The following NEO1 variants were observed in gnomAD, a reference collection of about 807,000 sequenced individuals.
NEO1 encodes the protein neogenin.
NEO1 carries 63 observed loss-of-function variants against 159.7 expected under a neutral mutation model. That is an observed-to-expected ratio of 0.39 (90% confidence interval 0.32 to 0.49). NEO1 has a LOEUF of 0.49. Ranked by LOEUF, NEO1 falls within the 20% of genes least tolerant of loss-of-function variation. The probability of loss-of-function intolerance (pLI) is 0.85; values close to 1 mark genes in which losing one functional copy is unlikely to be tolerated. For missense variants in NEO1, 1,615 were observed against 1,831.0 expected (o/e 0.88, Z 2.15); for synonymous variants, 633 against 662.0 (o/e 0.96, Z 0.67).
chr15:73,111,305 A>C (rs79845593), intron 1 of NEO1, among the ~76,000 whole-genome samples: 1,626 of 152,284 alleles, frequency 0.011, 33 homozygotes, highest in African/African-American at 0.037. Flanking sequence ...TATCTTGACA[A>C]TCTTTTAATC....
chr15:73,184,498 G>A (rs1019045218), intron 7 of NEO1, among the ~76,000 whole-genome samples: 1 of 152,150 alleles, frequency 6.6e-6, no homozygotes, highest in Non-Finnish European at 1.5e-5. Flanking sequence ...GAGTTGAAAA[G>A]TTATGTCCAC....
At chr15:73,272,905 C>T (rs764536160) in intron 19 of NEO1, among the ~76,000 whole-genome samples, 1 of 150,958 alleles carries the variant, frequency 6.6e-6, no homozygotes, top group Non-Finnish European at 1.5e-5. Flanking sequence ...TTATATACCC[C>T]CTCCCTGGTT....
At position 73,235,593 on chromosome 15, in the gene NEO1, T is replaced by A. The variant is rs368523345; in HGVS notation, c.1292-754T>A. On this transcript the variant is annotated intron_variant, in intron 7 of 28. Coordinates refer to ENST00000261908, the MANE Select transcript of NEO1 (RefSeq NM_002499.4). Reference sequence around the variant, plus strand: ...GCAGTGAAGAGTGTAACAAACAGATTAGCTACCTGACTTGCAATTTTTTGG... The same window carrying A: ...GCAGTGAAGAGTGTAACAAACAGATAAGCTACCTGACTTGCAATTTTTTGG... 2.6e-5 allele frequency among the ~76,000 whole-genome samples: 4 copies of A among 152,356 alleles called. No individual in the cohort carries two copies. The East Asian group carries it at 5.8e-4, about 22-fold the overall frequency.
intron 1 of NEO1, among the ~76,000 whole-genome samples, chr15:73,105,699 G>A (rs1483372671): frequency 3.3e-5 from 5 of 152,030 alleles, no homozygotes; most frequent in Non-Finnish European, 5.9e-5. Flanking sequence ...GAAGAGTCCA[G>A]GGTAGTTGTC....
chr15:73,136,365 T>A (rs1308644939), intron 5 of NEO1, among the ~76,000 whole-genome samples: 1 of 152,102 alleles, frequency 6.6e-6, no homozygotes, highest in Non-Finnish European at 1.5e-5. Flanking sequence ...TGTTAGTTAT[T>A]GTTGTTACTA....
Position 73,274,024 on chromosome 15 carries a change from AG to A in NEO1, c.3160+22del. ...CCTAAAGGTAATGCTCCCCAAGCTGAGGGTTTTGTTGTGTGTCTCTTTAGTG... is the reference window on the plus strand; with the variant it reads ...CCTAAAGGTAATGCTCCCCAAGCTGAGGTTTTGTTGTGTGTCTCTTTAGTG... On this transcript the variant is annotated intron_variant, in intron 20 of 28. Transcript: ENST00000261908. 1.9e-6 allele frequency: 3 copies of A among 1,608,564 alleles called. No homozygotes were observed. Among genetic ancestry groups the A allele is most frequent in the Non-Finnish European group, 2.5e-6 (3 of 1,177,256 alleles).
intron 18 of NEO1, among the ~76,000 whole-genome samples, chr15:73,271,800 G>A (rs1385442715): frequency 5.3e-5 from 8 of 151,608 alleles, no homozygotes; most frequent in East Asian, 3.9e-4. Flanking sequence ...CCAGCTACTC[G>A]GTAGGCTAAG....
Position 73,113,707 on chromosome 15 carries a change from A to G in NEO1, c.131-2833A>G, listed in dbSNP as rs187455544. Among the ~76,000 whole-genome samples, 463 of 152,302 alleles carry G rather than the reference A, an allele frequency of 3.0e-3. 2 individuals are homozygous for G. The highest frequency in any genetic ancestry group is 0.011 in the African/African-American group (440 of 41,552). On this transcript the variant is annotated intron_variant, in intron 1 of 28. Transcript: ENST00000261908. Reference sequence around the variant, plus strand: ...GTGTGGAACAGGAAATGTGGGTGGCAGTATTTAGTTGCACAGCATCTAAGT... The same window carrying G: ...GTGTGGAACAGGAAATGTGGGTGGCGGTATTTAGTTGCACAGCATCTAAGT...
Position 73,281,026 on chromosome 15 carries a change from A to G in NEO1, c.3263-1938A>G, listed in dbSNP as rs899818226. On this transcript the variant is annotated intron_variant, in intron 22 of 28. Coordinates refer to ENST00000261908, the MANE Select transcript of NEO1 (RefSeq NM_002499.4). Reference sequence around the variant, plus strand: ...CGAGACCATCCTGGCAAACACTGTGAAACCCCGTCTCTACTAAAAATACAA... The same window carrying G: ...CGAGACCATCCTGGCAAACACTGTGGAACCCCGTCTCTACTAAAAATACAA... Among the ~76,000 whole-genome samples the G allele has an allele frequency of 3.3e-5, 5 of 151,566 alleles. No individual in the cohort carries two copies. The South Asian group carries it at 1.0e-3, about 32-fold the overall frequency.
intron 7 of NEO1, among the ~76,000 whole-genome samples, chr15:73,235,902 A>G (rs1301453327): frequency 6.6e-6 from 1 of 152,200 alleles, no homozygotes; most frequent in Non-Finnish European, 1.5e-5. Context: ...AAGTCTTGTC[A>G]TTTGCAAGAC....
chr15:73,199,609 T>C lies in NEO1; in HGVS notation c.1291+21182T>C, dbSNP rs2036744162. On this transcript the variant is annotated intron_variant, in intron 7 of 28. Coordinates refer to ENST00000261908, the MANE Select transcript of NEO1 (RefSeq NM_002499.4). ...TGAGTTTTCTGGTAATGTCTTTGTC[T>C]GGTTTTGGTATTAGGATAATGTTGG... 3.3e-5 allele frequency among the ~76,000 whole-genome samples: 5 copies of C among 152,218 alleles called. No individual in the cohort carries two copies. The South Asian group carries it at 1.0e-3, about 32-fold the overall frequency.
At position 73,135,162 on chromosome 15, in the gene NEO1, A is replaced by G. The variant is rs2031605206; in HGVS notation, c.879-729A>G. Among the ~76,000 whole-genome samples, 6 of 152,304 alleles carry G rather than the reference A, an allele frequency of 3.9e-5. No individual in the cohort carries two copies. In the South Asian group the frequency reaches 1.2e-3, roughly 32 times the overall value. On this transcript the variant is annotated intron_variant, in intron 4 of 28. Coordinates refer to ENST00000261908, the MANE Select transcript of NEO1 (RefSeq NM_002499.4). The stretch of plus-strand genomic sequence containing the variant: ...AATTAACTAAACTTGTTCACTTTAT[A>G]CAAATTTGATCAGAGTATTGATTGT...
At chr15:73,258,394 C>CT (rs1197280568) in intron 13 of NEO1, among the ~76,000 whole-genome samples, 1 of 152,070 alleles carries the variant, frequency 6.6e-6, no homozygotes, top group Non-Finnish European at 1.5e-5. Flanking sequence ...ACCTTTGTTC[C>CT]TTTTTTATAA....
At chr15:73,181,068 G>A (rs1267570305) in intron 7 of NEO1, among the ~76,000 whole-genome samples, 1 of 152,170 alleles carries the variant, frequency 6.6e-6, no homozygotes, top group Non-Finnish European at 1.5e-5. Flanking sequence ...AATTCTGTCT[G>A]TGTGATCAGG....
Position 73,236,403 on chromosome 15 carries a change from GTC to G in NEO1, c.1352_1353del (p.Ser451TyrfsTer33), listed in dbSNP as rs2039174654. The G allele has an allele frequency of 6.2e-7, 1 of 1,614,082 alleles. No individual in the cohort carries two copies. ...TCCTCGGGATGTCGTGGCCTCCCTGGTCTCTACCCGCTTCATCAAATTGACGT... is the reference window on the plus strand; with the variant it reads ...TCCTCGGGATGTCGTGGCCTCCCTGGTCTACCCGCTTCATCAAATTGACGT... Reference protein sequence around the residue: ...SAPRDVVASLVSTRFIKLTWR... With the variant: ...SAPRDVVASLXSTRFIKLTWR... On this transcript the variant is annotated frameshift_variant, in exon 8 of 29. Transcript: ENST00000261908. LOFTEE classifies it high-confidence loss of function.
At chr15:73,188,381 G>A (rs1276048433) in intron 7 of NEO1, among the ~76,000 whole-genome samples, 1 of 151,984 alleles carries the variant, frequency 6.6e-6, no homozygotes, top group Non-Finnish European at 1.5e-5. Flanking sequence ...ATATTGTTTT[G>A]TATCTTGTTT....
intron 5 of NEO1, among the ~76,000 whole-genome samples, chr15:73,147,645 T>A (rs2033019581): frequency 6.6e-6 from 1 of 152,200 alleles, no homozygotes; most frequent in Non-Finnish European, 1.5e-5. Flanking sequence ...TGAAAAGATT[T>A]GACTATCATT....
At chr15:73,191,783 A>G (rs2036249612) in intron 7 of NEO1, among the ~76,000 whole-genome samples, 2 of 152,092 alleles carry the variant, frequency 1.3e-5, no homozygotes, top group Admixed American at 6.6e-5. Context: ...TTTAAAGCAA[A>G]TGTAACACAT....
chr15:73,142,606 T>C (rs2032499660), intron 5 of NEO1, among the ~76,000 whole-genome samples: 1 of 151,982 alleles, frequency 6.6e-6, no homozygotes, highest in Non-Finnish European at 1.5e-5. Flanking sequence ...TGATCTGCTT[T>C]CAAAAGGCAG....
Sources: gnomAD v4.1 joint callset for allele counts (sites outside exome capture counted in the v4.1 genomes callset) on GRCh38, gnomAD v4.1.1 for gene constraint, MANE v1.5 for transcripts, NCBI Gene and HGNC (gene_info 2026-07-23, HGNC 2026-07-21) for gene names.